NBAS: variants seen among roughly 807,000 people sequenced by gnomAD.
The protein encoded by NBAS is NBAS subunit of NRZ tethering complex.
In NBAS, 219 loss-of-function variants were observed where a neutral mutation model predicts 302.5. That is an observed-to-expected ratio of 0.72 (90% confidence interval 0.65 to 0.81). NBAS has a LOEUF of 0.81. NBAS is among the 30% of genes least tolerant of loss of function. The pLI, the probability that NBAS is intolerant of heterozygous loss-of-function variation, is 0.00. For synonymous variants in NBAS, 1,118 were observed against 1,021.6 expected, an observed-to-expected ratio of 1.09 and a Z score of -1.80; for missense variants, 2,932 against 2,841.6, an observed-to-expected ratio of 1.03 and a Z score of -0.72.
chr2:14,889,664 T>C, the NBAS span, among the ~76,000 whole-genome samples: 2 of 152,164 alleles, frequency 1.3e-5, no homozygotes, highest in Non-Finnish European at 2.9e-5. Flanking sequence ...CCAAGCTTGT[T>C]AGAAAAGGGA....
chr2:15,077,331 C>T, the NBAS span, among the ~76,000 whole-genome samples: 13 of 152,288 alleles, frequency 8.5e-5, no homozygotes, highest in South Asian at 1.9e-3. Context: ...TCCCTCAACT[C>T]GTGGGGATTA....
At chr2:15,060,713 A>C in the NBAS span, among the ~76,000 whole-genome samples, 1 of 152,096 alleles carries the variant, frequency 6.6e-6, no homozygotes, top group East Asian at 1.9e-4. Flanking sequence ...GTGATTTAAA[A>C]CTAATATTGT....
chr2:15,435,416 T>C lies in NBAS; in HGVS notation c.2340-7622A>G, dbSNP rs562210413. On this transcript the variant is annotated intron_variant, in intron 21 of 51. Transcript: ENST00000281513. Reference sequence around the variant, plus strand: ...CTCTGCCCAGCCTATGTATAATACTTATATAGTACTTAACTATCTGCAAGC... The same window carrying C: ...CTCTGCCCAGCCTATGTATAATACTCATATAGTACTTAACTATCTGCAAGC... Among the ~76,000 whole-genome samples the C allele has an allele frequency of 7.9e-5, 12 of 152,312 alleles. No individual in the cohort carries two copies. In the South Asian group the frequency reaches 2.5e-3, roughly 32 times the overall value.
intron 35 of NBAS, among the ~76,000 whole-genome samples, chr2:15,335,872 T>C (rs916099984): frequency 4.6e-5 from 7 of 152,148 alleles, no homozygotes; most frequent in African/African-American, 1.7e-4. Flanking sequence ...TTAGTACTTT[T>C]TGTATCATAT....
At chr2:14,857,790 C>T in the NBAS span, among the ~76,000 whole-genome samples, 12 of 152,006 alleles carry the variant, frequency 7.9e-5, no homozygotes, top group African/African-American at 2.9e-4. Flanking sequence ...AATACCCACA[C>T]GCACAGGCAA....
At chr2:14,781,107 G>T in the NBAS span, among the ~76,000 whole-genome samples, 1 of 152,170 alleles carries the variant, frequency 6.6e-6, no homozygotes, top group East Asian at 1.9e-4. Flanking sequence ...AATGAAAAAT[G>T]TTCTCTGCCA....
At chr2:14,954,259 T>G in the NBAS span, among the ~76,000 whole-genome samples, 1 of 152,214 alleles carries the variant, frequency 6.6e-6, no homozygotes, top group African/African-American at 2.4e-5. Context: ...AATTGAGGTC[T>G]GCTATGTGGA....
the NBAS span, among the ~76,000 whole-genome samples, chr2:15,106,914 C>T: frequency 1.3e-5 from 2 of 152,006 alleles, no homozygotes; most frequent in Admixed American, 6.6e-5. Context: ...AAACACATCC[C>T]TCATGATTAT....
At position 15,356,395 on chromosome 2, in the gene NBAS, C is replaced by G; in HGVS notation, c.3839G>C (p.Arg1280Pro). 1.2e-6 allele frequency: 2 copies of G among 1,613,776 alleles called. No individual in the cohort carries two copies. Among genetic ancestry groups the G allele is most frequent in the Non-Finnish European group, 1.7e-6 (2 of 1,179,760 alleles). Reference sequence around the variant, plus strand: ...CACTAAAAGGATTAGAACCTGTCCCCGCCTTTCTTCTGGGTTCTCACCTGT... The same window carrying G: ...CACTAAAAGGATTAGAACCTGTCCCGGCCTTTCTTCTGGGTTCTCACCTGT... ...RVAGENPEER[R>P]GQVLILLVEQ... Residue 1280 changes from arginine to proline, a missense_variant, in exon 33 of 52, where the codon CGG becomes CCG. Arg to Pro is a moderately radical substitution (Grantham distance 103). Transcript: ENST00000281513.
At chr2:14,841,266 GA>G in the NBAS span, among the ~76,000 whole-genome samples, 1 of 151,760 alleles carries the variant, frequency 6.6e-6, no homozygotes, top group Non-Finnish European at 1.5e-5. Flanking sequence ...AAGACAGTAA[GA>G]AAGGGGGAGT....
the NBAS span, among the ~76,000 whole-genome samples, chr2:14,839,010 G>C: frequency 6.6e-6 from 1 of 151,888 alleles, no homozygotes; most frequent in South Asian, 2.1e-4. Flanking sequence ...TAATAGGAAA[G>C]AAAGAGGTAG....
chr2:14,909,114 C>T, the NBAS span, among the ~76,000 whole-genome samples: 173 of 152,006 alleles, frequency 1.1e-3, no homozygotes, highest in African/African-American at 4.0e-3. Context: ...GGGCGGATCA[C>T]GAGGTCAGGA....
At chr2:14,839,530 A>G in the NBAS span, among the ~76,000 whole-genome samples, 5 of 152,194 alleles carry the variant, frequency 3.3e-5, no homozygotes, top group African/African-American at 1.2e-4. Context: ...GAGATAACAA[A>G]TCAGAGTAGC....
intron 23 of NBAS, among the ~76,000 whole-genome samples, chr2:15,420,015 G>A (rs1056952387): frequency 3.3e-5 from 5 of 152,096 alleles, no homozygotes; most frequent in South Asian, 2.1e-4. Flanking sequence ...CCCAGCCAAC[G>A]ATGATATTTG....
the NBAS span, among the ~76,000 whole-genome samples, chr2:14,900,126 T>G: frequency 6.6e-6 from 1 of 151,604 alleles, no homozygotes; most frequent in East Asian, 1.9e-4. Flanking sequence ...TTTTTTTTTT[T>G]GACTGGTTCT....
chr2:15,372,632 G>A (rs1322667564), intron 31 of NBAS, among the ~76,000 whole-genome samples: 1 of 152,086 alleles, frequency 6.6e-6, no homozygotes, highest in Non-Finnish European at 1.5e-5. Flanking sequence ...ACATCCAGAA[G>A]GTTTTCTGAC....
intron 44 of NBAS, among the ~76,000 whole-genome samples, chr2:15,241,262 G>A (rs1667855046): frequency 6.6e-6 from 1 of 152,148 alleles, no homozygotes; most frequent in Non-Finnish European, 1.5e-5. Context: ...ATATCAGCTA[G>A]CCAAATGTAT....
chr2:15,301,509 G>T (rs1269743123), intron 40 of NBAS, among the ~76,000 whole-genome samples: 1 of 152,218 alleles, frequency 6.6e-6, no homozygotes, highest in East Asian at 1.9e-4. Flanking sequence ...TGAGCAATCA[G>T]TTTGGGAGCA....
chr2:15,329,565 T>G (rs1185651364), intron 36 of NBAS, among the ~76,000 whole-genome samples: 2 of 152,170 alleles, frequency 1.3e-5, no homozygotes, highest in African/African-American at 4.8e-5. Flanking sequence ...TCCATCTTAC[T>G]CAAAATCAAA....
Sources: gnomAD v4.1 joint callset for allele counts (sites outside exome capture counted in the v4.1 genomes callset) on GRCh38, gnomAD v4.1.1 for gene constraint, MANE v1.5 for transcripts, NCBI Gene and HGNC (gene_info 2026-07-23, HGNC 2026-07-21) for gene names.